PEX14: variants seen among roughly 807,000 people sequenced by gnomAD.
The protein encoded by PEX14 is peroxisomal membrane protein PEX14.
A neutral mutation model predicts 49.5 loss-of-function variants in PEX14; 15 were observed. The observed-to-expected ratio is 0.30, with a 90% CI of 0.20 to 0.47. PEX14 has a LOEUF of 0.47. PEX14 is among the 20% of genes least tolerant of loss of function. The pLI is 1.00. For synonymous variants in PEX14, 210 were observed against 212.7 expected (o/e 0.99, Z 0.11); for missense variants, 398 against 494.8 (o/e 0.80, Z 1.86).
Position 10,623,495 on chromosome 1 carries a change from G to T in PEX14, c.487+374G>T, listed in dbSNP as rs947599440. Among the ~76,000 whole-genome samples, 1 of 152,134 alleles carries T rather than the reference G, an allele frequency of 6.6e-6. No homozygotes were observed. The highest frequency in any genetic ancestry group is 2.4e-5 in the African/African-American group (1 of 41,404). ...CTCTAAGACTCGACTGTGGGGTCAA[G>T]AGAGTCTGTAATTACTGTGGCTCCC... On this transcript the variant is annotated intron_variant, in intron 6 of 8. Coordinates refer to ENST00000356607, the MANE Select transcript of PEX14 (RefSeq NM_004565.3). The surrounding 1 kb of genome is among the most constrained non-coding windows in gnomAD (Gnocchi z 4.4).
At chr1:10,509,890 A>C (rs572617238) in intron 2 of PEX14, among the ~76,000 whole-genome samples, 1 of 152,144 alleles carries the variant, frequency 6.6e-6, no homozygotes, top group Non-Finnish European at 1.5e-5. Context: ...GCTTTGTATA[A>C]TACAATGTAT....
chr1:10,621,389 C>T lies in PEX14; in HGVS notation c.385-1630C>T, dbSNP rs553701072. 2.7e-4 allele frequency among the ~76,000 whole-genome samples: 41 copies of T among 149,606 alleles called. 1 individual carries two copies. The highest frequency in any genetic ancestry group is 2.1e-3 in the South Asian group (10 of 4,682). On this transcript the variant is annotated intron_variant, in intron 5 of 8. Coordinates refer to ENST00000356607, the MANE Select transcript of PEX14 (RefSeq NM_004565.3). ...TGAGACACAGTCTAACTCTGTTACC[C>T]GGGCTGGAGTGCAGTGGCATGATCT...
In PEX14 at chr1:10,539,163, G is replaced by A. The variant is rs17035209; in HGVS notation, c.169+2866G>A. 2.2e-3 allele frequency among the ~76,000 whole-genome samples: 342 copies of A among 152,284 alleles called. 3 individuals are homozygous for A. The East Asian group carries it at 0.029, about 13-fold the overall frequency. On this transcript the variant is annotated intron_variant, in intron 3 of 8. Coordinates refer to ENST00000356607, the MANE Select transcript of PEX14 (RefSeq NM_004565.3). This position sits in a 1 kb window ranked among gnomAD's most constrained non-coding sequence, Gnocchi z 4.6. ...CCTGTCCGTGTTACCGACTGGTTAAGTGTTGTGCTCTGTGACTTCTGGTGG... is the reference window on the plus strand; with the variant it reads ...CCTGTCCGTGTTACCGACTGGTTAAATGTTGTGCTCTGTGACTTCTGGTGG...
chr1:10,621,339 AT>A (rs765720219), intron 5 of PEX14, among the ~76,000 whole-genome samples: 1 of 144,306 alleles, frequency 6.9e-6, no homozygotes, highest in East Asian at 2.0e-4. Flanking sequence ...ACATATATGA[AT>A]TCTTTTTTTT....
chr1:10,591,546 T>C (rs6540941), intron 3 of PEX14, among the ~76,000 whole-genome samples: 27,441 of 151,962 alleles, frequency 0.18, 3,638 homozygotes, highest in African/African-American at 0.37. Flanking sequence ...CAGTGAAAAG[T>C]GTTCCTCAAT....
Position 10,618,324 on chromosome 1 carries a change from G to T in PEX14, c.299-8G>T, listed in dbSNP as rs112851814. Reference sequence around the variant, plus strand: ...GTCTTCTAACCCTCCTCCTCTTCCCGCCTGTAGGTCCCGCAGGCTCCCGAT... The same window carrying T: ...GTCTTCTAACCCTCCTCCTCTTCCCTCCTGTAGGTCCCGCAGGCTCCCGAT... On this transcript the variant is annotated splice_polypyrimidine_tract_variant and splice_region_variant and intron_variant, in intron 4 of 8. Transcript: ENST00000356607. 1.7e-4 allele frequency: 275 copies of T among 1,613,052 alleles called. 6 individuals carry two copies. The African/African-American group carries it at 2.4e-3, about 14-fold the overall frequency.
intron 2 of PEX14, among the ~76,000 whole-genome samples, chr1:10,508,972 T>G (rs1456162834): frequency 6.6e-6 from 1 of 151,152 alleles, no homozygotes; most frequent in African/African-American, 2.4e-5. Flanking sequence ...AGTCTCGCTC[T>G]GTCGCCCAGG....
At chr1:10,603,466 C>T (rs1312514894) in intron 4 of PEX14, among the ~76,000 whole-genome samples, 1 of 151,672 alleles carries the variant, frequency 6.6e-6, no homozygotes, top group East Asian at 1.9e-4. Context: ...AGGAGGTTGG[C>T]ACCAAGGGGA....
At position 10,630,072 on chromosome 1, in the gene PEX14, G is replaced by C; in HGVS notation, c.*85G>C. 1.9e-6 allele frequency: 3 copies of C among 1,578,104 alleles called. No individual in the cohort carries two copies. The South Asian group carries it at 3.4e-5, about 18-fold the overall frequency. On this transcript the variant is annotated 3_prime_UTR_variant, in exon 9 of 9. Coordinates refer to ENST00000356607, the MANE Select transcript of PEX14 (RefSeq NM_004565.3). This position sits in a 1 kb window ranked among gnomAD's most constrained non-coding sequence, Gnocchi z 4.1. ...ACCCTGCCTCCCTCTCTGGCCCTGG[G>C]AGGGCAGCTTGGAGCCCAGGTAGGG...
chr1:10,564,752 G>C (rs1639753669), intron 3 of PEX14, among the ~76,000 whole-genome samples: 1 of 151,482 alleles, frequency 6.6e-6, no homozygotes. Flanking sequence ...TTTAAGTTTA[G>C]TTTTCTAGTA....
chr1:10,513,700 C>G (rs1005989029), intron 2 of PEX14, among the ~76,000 whole-genome samples: 1 of 152,190 alleles, frequency 6.6e-6, no homozygotes, highest in South Asian at 2.1e-4. Flanking sequence ...GCCAATTCTT[C>G]CATTTAGCTG....
chr1:10,530,082 CT>C (rs1638601987), intron 2 of PEX14, among the ~76,000 whole-genome samples: 1 of 152,148 alleles, frequency 6.6e-6, no homozygotes, highest in Non-Finnish European at 1.5e-5. Flanking sequence ...ACTTTCCCTT[CT>C]CCTTTCCTCC....
At chr1:10,543,720 C>T (rs1264301740) in intron 3 of PEX14, among the ~76,000 whole-genome samples, 1 of 152,136 alleles carries the variant, frequency 6.6e-6, no homozygotes, top group Non-Finnish European at 1.5e-5. Context: ...GATCCTTCTG[C>T]CTTAGCCTCC....
At chr1:10,576,775 T>TTA (rs55899947) in intron 3 of PEX14, among the ~76,000 whole-genome samples, 1 of 151,244 alleles carries the variant, frequency 6.6e-6, no homozygotes, top group Non-Finnish European at 1.5e-5. Context: ...TTTTTTTTTT[T>TTA]AGATGGAATT....
chr1:10,528,909 C>T (rs911005698), intron 2 of PEX14, among the ~76,000 whole-genome samples: 1 of 152,164 alleles, frequency 6.6e-6, no homozygotes, highest in Non-Finnish European at 1.5e-5. Context: ...TACCGTGATC[C>T]GTGTATAATG....
At chr1:10,616,210 C>T (rs1008473446) in intron 4 of PEX14, among the ~76,000 whole-genome samples, 1 of 152,090 alleles carries the variant, frequency 6.6e-6, no homozygotes, top group Non-Finnish European at 1.5e-5. Context: ...CTTGCCCACT[C>T]GGAGGTCTTT....
At chr1:10,503,455 T>C (rs1206963400) in intron 2 of PEX14, among the ~76,000 whole-genome samples, 1 of 151,392 alleles carries the variant, frequency 6.6e-6, no homozygotes, top group Non-Finnish European at 1.5e-5. Flanking sequence ...CTCCTTTACA[T>C]GCCCTACCAT....
At chr1:10,543,994 T>C (rs1639096976) in intron 3 of PEX14, among the ~76,000 whole-genome samples, 1 of 152,208 alleles carries the variant, frequency 6.6e-6, no homozygotes, top group Non-Finnish European at 1.5e-5. Flanking sequence ...GCCACAAAGA[T>C]GGTCCTGCTG....
At chr1:10,525,163 T>G (rs1638434146) in intron 2 of PEX14, among the ~76,000 whole-genome samples, 1 of 152,206 alleles carries the variant, frequency 6.6e-6, no homozygotes, top group African/African-American at 2.4e-5. Flanking sequence ...ATTTCTTAAT[T>G]GGGGTTTATC....
Sources: allele counts gnomAD v4.1 joint callset (sites outside exome capture counted in the v4.1 genomes callset), GRCh38; gene constraint gnomAD v4.1.1; non-coding constraint Gnocchi (gnomAD v3.1); transcripts MANE v1.5; gene names NCBI Gene and HGNC (gene_info 2026-07-23, HGNC 2026-07-21).